Variants in LRRC4C observed in about 807,000 individuals in gnomAD.
LRRC4C encodes the protein leucine-rich repeat-containing protein 4C.
In LRRC4C, 5 loss-of-function variants were observed where a neutral mutation model predicts 33.6. The observed-to-expected ratio is 0.15, with a 90% CI of 0.08 to 0.31. The LOEUF is 0.31. Among genes scored for constraint, LRRC4C ranks in the 10% least tolerant of loss-of-function variants. The pLI, the probability that LRRC4C is intolerant of heterozygous loss-of-function variation, is 1.00. For synonymous variants in LRRC4C, 329 were observed against 302.0 expected (o/e 1.09, Z -0.93); for missense variants, 560 against 796.7 (o/e 0.70, Z 3.58).
chr11:41,158,577 T>C (rs1387884609), intron 1 of LRRC4C, among the ~76,000 whole-genome samples: 1 of 152,106 alleles, frequency 6.6e-6, no homozygotes, highest in Non-Finnish European at 1.5e-5. Flanking sequence ...ATACCTTTTT[T>C]CCAGGACAAA....
intron 4 of LRRC4C, among the ~76,000 whole-genome samples, chr11:40,242,306 A>G (rs941333570): frequency 2.0e-5 from 3 of 152,168 alleles, no homozygotes; most frequent in Admixed American, 6.5e-5. Flanking sequence ...TCATGCTTTA[A>G]CTACATTTAC....
At chr11:41,041,481 G>A (rs1188417001) in intron 1 of LRRC4C, among the ~76,000 whole-genome samples, 2 of 152,160 alleles carry the variant, frequency 1.3e-5, no homozygotes, top group Non-Finnish European at 2.9e-5. Context: ...CTGTAAAATA[G>A]TATGTTTTAT....
chr11:40,468,701 C>T (rs1194567468), intron 3 of LRRC4C, among the ~76,000 whole-genome samples: 1 of 151,986 alleles, frequency 6.6e-6, no homozygotes, highest in African/African-American at 2.4e-5. Context: ...TATAAATGCA[C>T]CTGTCTAATC....
chr11:40,452,351 C>T (rs866767969), intron 3 of LRRC4C, among the ~76,000 whole-genome samples: 13 of 152,148 alleles, frequency 8.5e-5, no homozygotes, highest in African/African-American at 2.9e-4. Context: ...ACAAACAACC[C>T]CATCAAAAAG....
At chr11:40,223,128 G>A (rs909243660) in intron 5 of LRRC4C, among the ~76,000 whole-genome samples, 2 of 152,074 alleles carry the variant, frequency 1.3e-5, no homozygotes, top group African/African-American at 4.8e-5. Context: ...AGGGTAATGG[G>A]TCCATTCTTT....
At chr11:40,774,249 G>C (rs10768632) in intron 2 of LRRC4C, among the ~76,000 whole-genome samples, 90,919 of 151,830 alleles carry the variant, frequency 0.6, 27,832 homozygotes, top group Middle Eastern at 0.67. Flanking sequence ...TTTACCTGTT[G>C]AAGGACATTT....
intron 1 of LRRC4C, among the ~76,000 whole-genome samples, chr11:41,067,924 A>G (rs769506874): frequency 1.3e-5 from 2 of 152,190 alleles, no homozygotes; most frequent in African/African-American, 2.4e-5. Context: ...AAGGATATCT[A>G]TATATCACTA....
intron 1 of LRRC4C, among the ~76,000 whole-genome samples, chr11:41,055,553 G>T: frequency 6.6e-6 from 1 of 152,046 alleles, no homozygotes; most frequent in East Asian, 1.9e-4. Flanking sequence ...ATTGAACTTT[G>T]ATTTTAATTT....
At chr11:40,317,470 A>G (rs1366325179) in intron 4 of LRRC4C, among the ~76,000 whole-genome samples, 1 of 152,124 alleles carries the variant, frequency 6.6e-6, no homozygotes, top group Non-Finnish European at 1.5e-5. Context: ...AGAGCTGACA[A>G]TAAATTACAT....
intron 1 of LRRC4C, among the ~76,000 whole-genome samples, chr11:41,376,649 G>A (rs1462471123): frequency 1.3e-5 from 2 of 152,090 alleles, no homozygotes; most frequent in African/African-American, 2.4e-5. Flanking sequence ...TGTTAGCGAT[G>A]TAAAAATGTT....
At chr11:41,130,079 T>A (rs1942941847) in intron 1 of LRRC4C, among the ~76,000 whole-genome samples, 1 of 151,974 alleles carries the variant, frequency 6.6e-6, no homozygotes, top group Non-Finnish European at 1.5e-5. Context: ...AACTCTCCAT[T>A]TGACAGACAC....
intron 3 of LRRC4C, among the ~76,000 whole-genome samples, chr11:40,379,585 A>G (rs774966940): frequency 3.3e-5 from 5 of 152,142 alleles, no homozygotes; most frequent in Non-Finnish European, 5.9e-5. Flanking sequence ...ACTGGTTAGG[A>G]ATATTGGAGA....
intron 2 of LRRC4C, among the ~76,000 whole-genome samples, chr11:40,662,049 A>G (rs1495296): frequency 0.56 from 85,510 of 152,126 alleles, 25,038 homozygotes; most frequent in East Asian, 0.71. Context: ...CTTAGCATTT[A>G]TAGATACCTA....
At chr11:40,934,409 T>G (rs1315250908) in intron 1 of LRRC4C, among the ~76,000 whole-genome samples, 2 of 152,198 alleles carry the variant, frequency 1.3e-5, no homozygotes, top group Non-Finnish European at 2.9e-5. Context: ...TGTGCGTGTG[T>G]GTGCACTCGT....
chr11:40,195,886 G>T (rs1042774710), intron 5 of LRRC4C, among the ~76,000 whole-genome samples: 1 of 152,140 alleles, frequency 6.6e-6, no homozygotes, highest in Admixed American at 6.5e-5. Context: ...TATTTATAAG[G>T]TGTGGCAATT....
chr11:41,154,168 T>C (rs955025161), intron 1 of LRRC4C, among the ~76,000 whole-genome samples: 7 of 152,184 alleles, frequency 4.6e-5, no homozygotes, highest in Admixed American at 6.6e-5. Flanking sequence ...CACTGGAAAC[T>C]AGCACATTCA....
chr11:40,171,251 C>T (rs1487185771), intron 5 of LRRC4C, among the ~76,000 whole-genome samples: 6 of 152,158 alleles, frequency 3.9e-5, no homozygotes, highest in South Asian at 2.1e-4. Context: ...CTTATTTCTA[C>T]AGTCTTGATA....
At chr11:40,735,012 C>T (rs528974973) in intron 2 of LRRC4C, among the ~76,000 whole-genome samples, 1 of 152,184 alleles carries the variant, frequency 6.6e-6, no homozygotes, top group African/African-American at 2.4e-5. Context: ...CTGGGAGGCT[C>T]TCCTCATCTT....
intron 1 of LRRC4C, among the ~76,000 whole-genome samples, chr11:40,965,560 G>T (rs1027864713): frequency 3.3e-5 from 5 of 152,224 alleles, no homozygotes; most frequent in African/African-American, 1.2e-4. Context: ...GTGTAAGGAA[G>T]GGATCCAGTT....
Sources: gnomAD v4.1 joint callset for allele counts (sites outside exome capture counted in the v4.1 genomes callset) on GRCh38, gnomAD v4.1.1 for gene constraint, MANE v1.5 for transcripts, NCBI Gene and HGNC (gene_info 2026-07-23, HGNC 2026-07-21) for gene names.